HAVCR1: variants seen among roughly 807,000 people sequenced by gnomAD.
The protein encoded by HAVCR1 is T cell immunoglobin domain and mucin domain protein 1.
In HAVCR1, 34 loss-of-function variants were observed where a neutral mutation model predicts 32.0. The ratio of observed to expected loss-of-function variants is 1.06; its 90% CI spans 0.81 to 1.42. The LOEUF (loss-of-function observed/expected upper bound fraction) is 1.42, where lower values mean the gene tolerates loss of function less well. HAVCR1 is among the 40% of genes most tolerant of loss of function. The probability of loss-of-function intolerance (pLI) is 0.00; values close to 1 mark genes in which losing one functional copy is unlikely to be tolerated. For synonymous variants in HAVCR1, 178 were observed against 170.3 expected (o/e 1.05, Z -0.35); for missense variants, 420 against 442.3 (o/e 0.95, Z 0.45).
At chr5:157,044,615 G>GAAAGAAAGAAAGAGAAAGAA (rs760337335) in intron 5 of HAVCR1, among the ~76,000 whole-genome samples, 36 of 52,666 alleles carry the variant, frequency 6.8e-4, no homozygotes, top group African/African-American at 1.3e-3. Flanking sequence ...AAGAAAGAAA[G>GAAAGAAAGAAAGAGAAAGAA]AGAAAGAAAG....
At chr5:157,042,557 T>C in intron 6 of HAVCR1, 70 bp downstream of exon 6, 3 of 931,850 alleles carry the variant, frequency 3.2e-6, no homozygotes, top group Non-Finnish European at 5.1e-6. Context: ...ACATAGTCTT[T>C]AAATGTAACT....
At chr5:157,056,051 G>C (rs1756117042) in intron 2 of HAVCR1, among the ~76,000 whole-genome samples, 1 of 151,792 alleles carries the variant, frequency 6.6e-6, no homozygotes. Flanking sequence ...CTGGGTTCAA[G>C]CAATTCTCAT....
intron 5 of HAVCR1, among the ~76,000 whole-genome samples, chr5:157,043,116 ACAT>A (rs1456817680): frequency 6.8e-6 from 1 of 147,512 alleles, no homozygotes; most frequent in Non-Finnish European, 1.5e-5. Flanking sequence ...TTCAGAATGG[ACAT>A]CATATTGGTT....
At chr5:157,029,952 C>T in intron 8 of HAVCR1, 111 bp from the exon 9 acceptor site, 1 of 747,374 alleles carries the variant, frequency 1.3e-6, no homozygotes, top group Non-Finnish European at 2.2e-6. Flanking sequence ...ATTCGAGACT[C>T]CAGGAGCCCC....
At chr5:157,038,723 T>C (rs564090563) in intron 6 of HAVCR1, among the ~76,000 whole-genome samples, 8 of 152,242 alleles carry the variant, frequency 5.3e-5, no homozygotes, top group African/African-American at 1.9e-4. Context: ...TGTGGGTAGA[T>C]GGAGAATGGG....
chr5:157,049,250 A>G (rs1755602173), intron 4 of HAVCR1, 105 bp from the exon 5 acceptor site: 1 of 784,018 alleles, frequency 1.3e-6, no homozygotes, highest in African/African-American at 1.7e-5. Flanking sequence ...TCACCTTTCC[A>G]TGGGCCCTTC....
Position 157,059,113 on chromosome 5 carries a change from T to C in HAVCR1, c.-205A>G, listed in dbSNP as rs964320482. On this transcript the variant is annotated 5_prime_UTR_variant, in exon 1 of 9. Coordinates refer to ENST00000523175, the MANE Select transcript of HAVCR1 (RefSeq NM_001173393.3). ...ACTAAACCTACATCATATGCAGTAA[T>C]AGCACTAGCTGAGGTTTTTGGAGAA... is the stretch of plus-strand genomic sequence containing the variant. The C allele has an allele frequency of 6.6e-6, 1 of 152,232 alleles. No homozygotes were observed. Among genetic ancestry groups the C allele is most frequent in the African/African-American group, 2.4e-5 (1 of 41,466 alleles). 9.4% of individuals were successfully genotyped at this position (152,232 alleles called of 1,614,324 possible). A position where few individuals can be genotyped will look rare whatever the true frequency, so the allele number is the denominator to read the frequency against.
At chr5:157,049,182 G>T in intron 4 of HAVCR1, 37 bp from the exon 5 acceptor site, 1 of 1,256,696 alleles carries the variant, frequency 8.0e-7, no homozygotes, top group Non-Finnish European at 1.2e-6. Context: ...TTCCATTTGT[G>T]GAGGAAAATG....
the HAVCR1 span, among the ~76,000 whole-genome samples, chr5:157,066,706 C>G: frequency 6.6e-6 from 1 of 152,074 alleles, no homozygotes; most frequent in South Asian, 2.1e-4. Context: ...CCAGGGATAG[C>G]CTGTTGGTGC....
chr5:157,044,643 AAG>A (rs1181459100), intron 5 of HAVCR1, among the ~76,000 whole-genome samples: 2 of 123,024 alleles, frequency 1.6e-5, no homozygotes, highest in African/African-American at 3.4e-5. Flanking sequence ...GAAAGAAAGA[AAG>A]AAAGAAAGAA....
At position 157,032,846 on chromosome 5, in the gene HAVCR1, G is replaced by A. The variant is rs770047531; in HGVS notation, c.986+8C>T. 32 of 1,517,456 alleles carry A rather than the reference G, an allele frequency of 2.1e-5. No homozygotes were observed. Among genetic ancestry groups the A allele is most frequent in the Non-Finnish European group, 2.6e-5 (29 of 1,096,480 alleles). The allele number at this position is 1,517,456 out of a possible 1,614,324, so 94.0% of individuals were successfully genotyped here. A position where few individuals can be genotyped will look rare whatever the true frequency, so the allele number is the denominator to read the frequency against. On this transcript the variant is annotated splice_region_variant and intron_variant, in intron 8 of 8. Transcript: ENST00000523175. ...CAAAAGTATTGATAGAAATATTTTCGAGCTTACCTTAGTTGTTGAACCTCC... is the reference window on the plus strand; with the variant it reads ...CAAAAGTATTGATAGAAATATTTTCAAGCTTACCTTAGTTGTTGAACCTCC...
At chr5:157,038,161 G>C (rs1246370249) in intron 6 of HAVCR1, among the ~76,000 whole-genome samples, 3 of 152,066 alleles carry the variant, frequency 2.0e-5, no homozygotes, top group African/African-American at 7.2e-5. Context: ...TAAATAAATA[G>C]ATTTGAGAGT....
chr5:157,066,059 A>AAAAAAAAAAAAAAAAAAAAAAAAAAAG, the HAVCR1 span, among the ~76,000 whole-genome samples: 1 of 148,522 alleles, frequency 6.7e-6, no homozygotes, highest in Admixed American at 6.8e-5. Flanking sequence ...CCGTCTTAAA[A>AAAAAAAAAAAAAAAAAAAAAAAAAAAG]AAAAAAAAAA....
intron 4 of HAVCR1, among the ~76,000 whole-genome samples, chr5:157,049,468 C>A (rs369628658): frequency 1.3e-5 from 2 of 152,208 alleles, no homozygotes; most frequent in African/African-American, 4.8e-5. Flanking sequence ...CAGGTTCCCT[C>A]TAAATAGACA....
Position 157,037,635 on chromosome 5 carries a change from T to C in HAVCR1, c.838-274A>G, listed in dbSNP as rs533608567. ...TGTACACATTTGTCAAAACTAAAACTGTATGCTTAAAATGGGTTTGTATGT... is the reference window on the plus strand; with the variant it reads ...TGTACACATTTGTCAAAACTAAAACCGTATGCTTAAAATGGGTTTGTATGT... On this transcript the variant is annotated intron_variant, in intron 6 of 8. Transcript: ENST00000523175. Among the ~76,000 whole-genome samples, 4 of 152,316 alleles carry C rather than the reference T, an allele frequency of 2.6e-5. No individual in the cohort carries two copies. The Middle Eastern group carries it at 0.014, about 518-fold the overall frequency.
chr5:157,032,562 C>T (rs927725422), intron 8 of HAVCR1, among the ~76,000 whole-genome samples: 13 of 143,808 alleles, frequency 9.0e-5, no homozygotes, highest in African/African-American at 3.2e-4. Context: ...CAAACTAAAG[C>T]AAATCATTCA....
At chr5:157,058,697 C>A (rs1179228673) in intron 1 of HAVCR1, among the ~76,000 whole-genome samples, 3 of 152,226 alleles carry the variant, frequency 2.0e-5, no homozygotes, top group Admixed American at 6.5e-5. Context: ...GTAAACTGGG[C>A]CTCTGGTGGA....
chr5:157,050,315 C>G (rs1279078999), intron 4 of HAVCR1, among the ~76,000 whole-genome samples: 1 of 152,188 alleles, frequency 6.6e-6, no homozygotes, highest in Non-Finnish European at 1.5e-5. Flanking sequence ...AGCTTAACTT[C>G]TTTCCTAAGT....
At chr5:157,062,117 G>A (rs191755200), upstream of HAVCR1, among the ~76,000 whole-genome samples, 116 of 152,314 alleles carry the variant, frequency 7.6e-4, no homozygotes, top group African/African-American at 2.7e-3. Flanking sequence ...GGGTAAAGCT[G>A]GAAGTGACAA....
Sources: allele counts gnomAD v4.1 joint callset (sites outside exome capture counted in the v4.1 genomes callset), GRCh38; gene constraint gnomAD v4.1.1; transcripts MANE v1.5; gene names NCBI Gene and HGNC (gene_info 2026-07-23, HGNC 2026-07-21).